DPP10: variants seen among roughly 807,000 people sequenced by gnomAD.
The protein encoded by DPP10 is dipeptidyl peptidase like 10.
A neutral mutation model predicts 120.9 loss-of-function variants in DPP10; 33 were observed. That is an observed-to-expected ratio of 0.27 (90% CI 0.21 to 0.37). The LOEUF is 0.37. Among genes scored for constraint, DPP10 ranks in the 10% least tolerant of loss-of-function variants. The probability of loss-of-function intolerance (pLI) is 1.00; values close to 1 mark genes in which losing one functional copy is unlikely to be tolerated. For missense variants in DPP10, 816 were observed against 942.8 expected (o/e 0.87, Z 1.76); for synonymous variants, 337 against 326.1 (o/e 1.03, Z -0.36).
intron 1 of DPP10, among the ~76,000 whole-genome samples, chr2:115,036,640 A>T (rs1704243259): frequency 6.6e-6 from 1 of 152,096 alleles, no homozygotes. Flanking sequence ...CTGCTTTTTA[A>T]GTGCTCGCCA....
chr2:115,587,085 CTTTCTTTTT>C (rs1281551036), intron 5 of DPP10, among the ~76,000 whole-genome samples: 2 of 100,652 alleles, frequency 2.0e-5, no homozygotes, highest in East Asian at 3.6e-4. Context: ...TTTTTTTTCT[CTTTCTTTTT>C]TTTTTTTTTT....
intron 1 of DPP10, among the ~76,000 whole-genome samples, chr2:114,925,861 T>TA (rs1392528563): frequency 6.6e-6 from 1 of 152,120 alleles, no homozygotes; most frequent in Admixed American, 6.5e-5. Context: ...GGCCAAACGG[T>TA]AAAAGGAAAG....
At chr2:115,242,885 T>C (rs1240279891) in intron 1 of DPP10, among the ~76,000 whole-genome samples, 1 of 152,166 alleles carries the variant, frequency 6.6e-6, no homozygotes, top group African/African-American at 2.4e-5. Context: ...CTATATAGTC[T>C]CATATTTTAA....
chr2:115,620,320 T>G (rs2084850964), intron 5 of DPP10, among the ~76,000 whole-genome samples: 1 of 152,176 alleles, frequency 6.6e-6, no homozygotes, highest in African/African-American at 2.4e-5. Context: ...TTTCAAGAGA[T>G]AAGATTGTCC....
chr2:114,480,909 G>T (rs1403122809), intron 1 of DPP10, among the ~76,000 whole-genome samples: 1 of 151,684 alleles, frequency 6.6e-6, no homozygotes, highest in East Asian at 1.9e-4. Flanking sequence ...AAAAAGTTTT[G>T]CAGCAAGTGG....
intron 1 of DPP10, among the ~76,000 whole-genome samples, chr2:114,956,692 T>C (rs552012407): frequency 6.6e-6 from 1 of 152,190 alleles, no homozygotes; most frequent in East Asian, 1.9e-4. Context: ...CTGACTTTAA[T>C]ACCTATTGCA....
At chr2:114,475,095 C>T (rs749751878) in intron 1 of DPP10, among the ~76,000 whole-genome samples, 2 of 152,178 alleles carry the variant, frequency 1.3e-5, no homozygotes, top group Non-Finnish European at 2.9e-5. Context: ...CCAATGTATG[C>T]ATTTGTTGGT....
At chr2:114,850,301 A>G (rs1003688711) in intron 1 of DPP10, among the ~76,000 whole-genome samples, 2 of 152,156 alleles carry the variant, frequency 1.3e-5, no homozygotes, top group Admixed American at 6.6e-5. Flanking sequence ...AGCTGAAACT[A>G]CAGGTGTGTG....
At chr2:114,554,483 T>G (rs1046590938) in intron 1 of DPP10, among the ~76,000 whole-genome samples, 1 of 152,206 alleles carries the variant, frequency 6.6e-6, no homozygotes, top group East Asian at 1.9e-4. Flanking sequence ...CAGAATCGTA[T>G]AGAAGATAAC....
intron 1 of DPP10, among the ~76,000 whole-genome samples, chr2:115,116,827 C>G (rs1183154518): frequency 2.6e-5 from 4 of 152,116 alleles, no homozygotes; most frequent in Non-Finnish European, 5.9e-5. Flanking sequence ...CAATCTTTTC[C>G]TCTTGTATTT....
intron 1 of DPP10, among the ~76,000 whole-genome samples, chr2:114,551,725 T>A (rs1687902257): frequency 1.3e-5 from 2 of 152,144 alleles, no homozygotes; most frequent in South Asian, 4.1e-4. Context: ...CTGAACTGAG[T>A]ATCAGTAGGG....
chr2:114,584,796 A>C (rs1690817117), intron 1 of DPP10, among the ~76,000 whole-genome samples: 1 of 152,194 alleles, frequency 6.6e-6, no homozygotes, highest in South Asian at 2.1e-4. Context: ...AGAATGGTTC[A>C]CTTTTATGAG....
intron 19 of DPP10, among the ~76,000 whole-genome samples, chr2:115,810,933 A>G (rs113038797): frequency 1.3e-5 from 2 of 152,236 alleles, no homozygotes; most frequent in African/African-American, 4.8e-5. Context: ...GAGTCGTGGT[A>G]CCCATTTATT....
At chr2:114,826,448 C>T (rs1404662143) in intron 1 of DPP10, among the ~76,000 whole-genome samples, 1 of 152,114 alleles carries the variant, frequency 6.6e-6, no homozygotes, top group Admixed American at 6.5e-5. Context: ...GATAGACTGG[C>T]AAATTAAAAG....
intron 5 of DPP10, among the ~76,000 whole-genome samples, chr2:115,640,591 A>G (rs1157585035): frequency 6.6e-6 from 1 of 152,130 alleles, no homozygotes; most frequent in Non-Finnish European, 1.5e-5. Context: ...TGGCAAAGTT[A>G]TTTAATGGTT....
intron 4 of DPP10, among the ~76,000 whole-genome samples, chr2:115,518,275 G>A (rs1190348788): frequency 6.6e-6 from 1 of 151,940 alleles, no homozygotes; most frequent in Non-Finnish European, 1.5e-5. Context: ...TATCACTGAG[G>A]AATATATATG....
At chr2:115,466,422 A>C (rs1021509846) in intron 3 of DPP10, among the ~76,000 whole-genome samples, 3 of 152,210 alleles carry the variant, frequency 2.0e-5, no homozygotes, top group East Asian at 3.8e-4. Flanking sequence ...AAATATTATT[A>C]TACTAAATCA....
chr2:115,412,263 G>A, intron 3 of DPP10, among the ~76,000 whole-genome samples: 1 of 152,110 alleles, frequency 6.6e-6, no homozygotes, highest in Non-Finnish European at 1.5e-5. Flanking sequence ...ATAGATGGCT[G>A]CTACCAGCAT....
chr2:114,519,345 C>G (rs561544668), intron 1 of DPP10, among the ~76,000 whole-genome samples: 1 of 152,334 alleles, frequency 6.6e-6, no homozygotes, highest in African/African-American at 2.4e-5. Flanking sequence ...CGAGACCTCA[C>G]TTTACTAGCT....
Sources: gnomAD v4.1 joint callset for allele counts (sites outside exome capture counted in the v4.1 genomes callset) on GRCh38, gnomAD v4.1.1 for gene constraint, MANE v1.5 for transcripts, NCBI Gene and HGNC (gene_info 2026-07-23, HGNC 2026-07-21) for gene names.